The following AGBL1 variants were observed in gnomAD, a reference collection of about 807,000 sequenced individuals.
The protein encoded by AGBL1 is AGBL carboxypeptidase 1, also known as cytosolic carboxypeptidase 4.
In AGBL1, 130 loss-of-function variants were observed where a neutral mutation model predicts 118.9. The ratio of observed to expected loss-of-function variants is 1.09; its 90% CI spans 0.95 to 1.26. The LOEUF (loss-of-function observed/expected upper bound fraction) is 1.26, where lower values mean the gene tolerates loss of function less well. Among genes scored for constraint, AGBL1 ranks in the 50% most tolerant of loss-of-function variants. The probability of loss-of-function intolerance (pLI) is 0.00; values close to 1 mark genes in which losing one functional copy is unlikely to be tolerated. For synonymous variants in AGBL1, 555 were observed against 478.9 expected, an observed-to-expected ratio of 1.16 and a Z score of -2.08; for missense variants, 1,584 against 1,298.1, an observed-to-expected ratio of 1.22 and a Z score of -3.38.
intron 23 of AGBL1, among the ~76,000 whole-genome samples, chr15:86,963,426 G>T (rs992083970): frequency 2.0e-5 from 3 of 151,668 alleles, no homozygotes; most frequent in African/African-American, 7.3e-5. Flanking sequence ...GCTTTCTTTG[G>T]ATTAGTGCTG....
At chr15:86,453,494 C>A (rs1398738913) in intron 18 of AGBL1, among the ~76,000 whole-genome samples, 1 of 152,166 alleles carries the variant, frequency 6.6e-6, no homozygotes, top group Non-Finnish European at 1.5e-5. Flanking sequence ...CAATTCCGTA[C>A]CCCTTTTCAT....
intron 17 of AGBL1, among the ~76,000 whole-genome samples, chr15:86,343,005 T>A (rs1042174539): frequency 6.6e-6 from 1 of 152,160 alleles, no homozygotes; most frequent in African/African-American, 2.4e-5. Context: ...CCATTCAGAT[T>A]GGCATATACA....
At chr15:86,356,783 A>G (rs936332416) in intron 17 of AGBL1, among the ~76,000 whole-genome samples, 15 of 152,162 alleles carry the variant, frequency 9.9e-5, no homozygotes, top group African/African-American at 3.6e-4. Flanking sequence ...ATCCCCGGCA[A>G]TTTGCTCTGT....
At chr15:86,795,586 G>C (rs1408865290) in intron 22 of AGBL1, among the ~76,000 whole-genome samples, 1 of 138,202 alleles carries the variant, frequency 7.2e-6, no homozygotes, top group South Asian at 2.6e-4. Context: ...CTTTCTGCTT[G>C]ATTTTTTTTT....
At chr15:86,139,835 C>T (rs1470019657) in intron 1 of AGBL1, 1 of 156,336 alleles carries the variant, frequency 6.4e-6, no homozygotes, top group Non-Finnish European at 1.4e-5. Context: ...GGGCCCAGCA[C>T]CTAGAAGAAG....
At chr15:86,160,017 G>A (rs747987308) in intron 5 of AGBL1, among the ~76,000 whole-genome samples, 19 of 151,424 alleles carry the variant, frequency 1.3e-4, no homozygotes, top group Admixed American at 3.9e-4. Flanking sequence ...ACTTCTCAGA[G>A]CCTTTGTAAA....
At chr15:86,868,165 G>A (rs553735921) in intron 22 of AGBL1, among the ~76,000 whole-genome samples, 30 of 152,132 alleles carry the variant, frequency 2.0e-4, no homozygotes, top group Non-Finnish European at 2.9e-4. Flanking sequence ...CACATGAAAC[G>A]TACATGAAAA....
At chr15:86,462,899 A>G (rs2082351935) in intron 18 of AGBL1, among the ~76,000 whole-genome samples, 2 of 152,210 alleles carry the variant, frequency 1.3e-5, no homozygotes, top group East Asian at 1.9e-4. Context: ...GCTGCAATAA[A>G]CATACATGTG....
intron 17 of AGBL1, among the ~76,000 whole-genome samples, chr15:86,303,457 T>G (rs2079786436): frequency 1.3e-5 from 2 of 152,092 alleles, no homozygotes; most frequent in South Asian, 2.1e-4. Context: ...TATTTCCACT[T>G]TGGTTGGTGG....
intron 1 of AGBL1, among the ~76,000 whole-genome samples, chr15:86,106,091 A>T (rs1425607520): frequency 2.0e-5 from 3 of 152,248 alleles, no homozygotes; most frequent in Non-Finnish European, 4.4e-5. Flanking sequence ...ATGTGCAAGT[A>T]AATGTGTGTT....
At position 86,522,834 on chromosome 15, in the gene AGBL1, A is replaced by G. The variant is rs534437090; in HGVS notation, c.2580A>G (p.Glu860=). 65 of 1,613,768 alleles carry G rather than the reference A, an allele frequency of 4.0e-5. 1 individual carries two copies. The East Asian group carries it at 1.4e-3, about 34-fold the overall frequency. Residue 860 remains glutamate (E), a synonymous_variant, in exon 19 of 23, where the codon GAA becomes GAG. Transcript: ENST00000614907. ...NGNHRCSLSG[E]DLNRQWLSPS... is the part of the protein sequence containing the mutation. The stretch of plus-strand genomic sequence containing the variant: ...GCCACAGATGCTCACTGAGCGGGGA[A>G]GATTTGAACAGACAATGGCTTTCTC...
intron 22 of AGBL1, among the ~76,000 whole-genome samples, chr15:86,859,259 C>T (rs1002843558): frequency 6.6e-6 from 1 of 152,180 alleles, no homozygotes; most frequent in Non-Finnish European, 1.5e-5. Context: ...TCTAGCCTCA[C>T]CCTGGGCAAG....
intron 18 of AGBL1, among the ~76,000 whole-genome samples, chr15:86,447,913 G>A (rs1326308681): frequency 2.6e-5 from 4 of 152,224 alleles, no homozygotes; most frequent in African/African-American, 7.2e-5. Context: ...GAGAAGCTGA[G>A]GTGGGAGGAT....
At chr15:86,289,791 G>T (rs2079515301) in intron 16 of AGBL1, among the ~76,000 whole-genome samples, 1 of 152,130 alleles carries the variant, frequency 6.6e-6, no homozygotes, top group South Asian at 2.1e-4. Context: ...CCAACCTGAT[G>T]ATCCAGGATA....
At chr15:86,815,987 T>C (rs2078852613) in intron 22 of AGBL1, among the ~76,000 whole-genome samples, 1 of 152,186 alleles carries the variant, frequency 6.6e-6, no homozygotes, top group Non-Finnish European at 1.5e-5. Flanking sequence ...GTAGTAAGTG[T>C]AACAAGCATA....
At chr15:86,801,080 C>A (rs2078642279) in intron 22 of AGBL1, among the ~76,000 whole-genome samples, 1 of 152,012 alleles carries the variant, frequency 6.6e-6, no homozygotes, top group Admixed American at 6.6e-5. Context: ...CTCGAACTTA[C>A]ATGTATAACA....
intron 18 of AGBL1, among the ~76,000 whole-genome samples, chr15:86,480,018 T>C (rs1479159316): frequency 6.6e-6 from 1 of 150,866 alleles, no homozygotes; most frequent in Non-Finnish European, 1.5e-5. Flanking sequence ...TTCTCACTCA[T>C]AGGTGGGAAT....
chr15:86,981,616 C>G (rs1023865512), intron 23 of AGBL1, among the ~76,000 whole-genome samples: 5 of 152,132 alleles, frequency 3.3e-5, no homozygotes, highest in Admixed American at 6.5e-5. Context: ...TGTTTTTCGT[C>G]ACAGAAATGC....
intron 24 of AGBL1, among the ~76,000 whole-genome samples, chr15:87,018,611 G>A (rs147663632): frequency 0.029 from 4,372 of 152,160 alleles, 88 homozygotes; most frequent in Middle Eastern, 0.058. Context: ...CCTGAAGGAA[G>A]CACTAAATAT....
Sources: allele counts gnomAD v4.1 joint callset (sites outside exome capture counted in the v4.1 genomes callset), GRCh38; gene constraint gnomAD v4.1.1; transcripts MANE v1.5; gene names NCBI Gene and HGNC (gene_info 2026-07-23, HGNC 2026-07-21).